The following ZYG11B variants were observed in gnomAD, a reference collection of about 807,000 sequenced individuals.
ZYG11B encodes the protein zyg-11 family member B, cell cycle regulator.
Under a neutral mutation model 82.4 loss-of-function variants are expected in ZYG11B, and 36 were observed. The observed-to-expected ratio is 0.44, with a 90% CI of 0.33 to 0.58. ZYG11B has a LOEUF of 0.58. Ranked by LOEUF, ZYG11B falls within the 20% of genes least tolerant of loss-of-function variation. The pLI, the probability that ZYG11B is intolerant of heterozygous loss-of-function variation, is 0.02. For missense variants in ZYG11B, 552 were observed against 895.6 expected, an observed-to-expected ratio of 0.62 and a Z score of 4.90; for synonymous variants, 303 against 312.8, an observed-to-expected ratio of 0.97 and a Z score of 0.33.
chr1:52,726,729 G>A, intron 1 of ZYG11B, 46 bp downstream of exon 1: 2 of 1,436,456 alleles, frequency 1.4e-6, no homozygotes, highest in Non-Finnish European at 1.8e-6. Context: ...CGCCACCCTA[G>A]CCCCCGCCCG....
intron 4 of ZYG11B, 97 bp downstream of exon 4, chr1:52,780,090 TTTA>T: frequency 8.3e-7 from 1 of 1,203,948 alleles, no homozygotes; most frequent in Non-Finnish European, 1.2e-6. Flanking sequence ...TTAGTCTTTT[TTTA>T]TTATTTATAA....
In ZYG11B at chr1:52,771,081, C is replaced by T; in HGVS notation, c.258C>T (p.Ala86=). 6.2e-7 allele frequency: 1 copy of T among 1,614,208 alleles called. No individual in the cohort carries two copies. The highest frequency in any genetic ancestry group is 8.5e-7 in the Non-Finnish European group (1 of 1,180,042). ...FRGNQMRLKR[A]CIRKAKISAV... ...GCAACCAGATGCGCTTAAAGCGAGC[C>T]TGCATTCGCAAAGCAAAGATCTCTG... is the stretch of plus-strand genomic sequence containing the variant. The change falls in exon 3 of 14, where the codon GCC becomes GCT. Residue 86 remains alanine, a synonymous_variant. Transcript: ENST00000294353. This position sits in a 1 kb window ranked among gnomAD's most constrained non-coding sequence, Gnocchi z 5.4.
intron 1 of ZYG11B, among the ~76,000 whole-genome samples, chr1:52,749,727 A>G (rs748124087): frequency 4.6e-5 from 7 of 151,588 alleles, no homozygotes; most frequent in Non-Finnish European, 7.4e-5. Context: ...TAATTTTTGT[A>G]TTTTTATTAG....
intron 3 of ZYG11B, chr1:52,772,678 G>GTT (rs942985584): frequency 7.1e-4 from 436 of 617,012 alleles, no homozygotes; most frequent in Non-Finnish European, 7.8e-4. Flanking sequence ...CGAAAGGCTT[G>GTT]TTTTTTTTTT....
chr1:52,733,179 A>G (rs1335233649), intron 1 of ZYG11B, among the ~76,000 whole-genome samples: 1 of 152,166 alleles, frequency 6.6e-6, no homozygotes, highest in African/African-American at 2.4e-5. Flanking sequence ...AAATTATCTT[A>G]AGTTACTGAG....
chr1:52,726,565 C>A lies in ZYG11B; in HGVS notation c.-89C>A. 7.8e-7 allele frequency: 1 copy of A among 1,285,950 alleles called. No homozygotes were observed. The highest frequency in any genetic ancestry group is 9.9e-7 in the Non-Finnish European group (1 of 1,007,480). The allele number at this position is 1,285,950 out of a possible 1,614,324, so 79.7% of individuals were successfully genotyped here. On this transcript the variant is annotated 5_prime_UTR_variant, in exon 1 of 14. Transcript: ENST00000294353. ...GCCTGGGCCAAGCCCGGAGCCGCCGCTCGCCGGAGCCTCCTGGAGCCTCCG... is the reference window on the plus strand; with the variant it reads ...GCCTGGGCCAAGCCCGGAGCCGCCGATCGCCGGAGCCTCCTGGAGCCTCCG...
intron 10 of ZYG11B, among the ~76,000 whole-genome samples, chr1:52,807,993 A>C (rs1330936323): frequency 6.6e-6 from 1 of 152,182 alleles, no homozygotes; most frequent in Non-Finnish European, 1.5e-5. Flanking sequence ...GCTTCTTTCT[A>C]ATGAAAAATC....
chr1:52,797,333 A>G (rs1440979839), intron 8 of ZYG11B, among the ~76,000 whole-genome samples: 5 of 77,558 alleles, frequency 6.4e-5, no homozygotes, highest in Non-Finnish European at 1.0e-4. Flanking sequence ...TATATATTAT[A>G]TATTTATAAT....
Position 52,794,153 on chromosome 1 carries a change from T to G in ZYG11B, c.1335-2139T>G, listed in dbSNP as rs558319824. On this transcript the variant is annotated intron_variant, in intron 6 of 13. Coordinates refer to ENST00000294353, the MANE Select transcript of ZYG11B (RefSeq NM_024646.3). The stretch of plus-strand genomic sequence containing the variant: ...CCACACCCAGCTAATTTTTTGTATT[T>G]TTAGTAGAGACGAGGTTTCACCATG... Among the ~76,000 whole-genome samples, 32 of 152,142 alleles carry G rather than the reference T, an allele frequency of 2.1e-4. No individual in the cohort carries two copies. In the South Asian group the frequency reaches 4.2e-3, roughly 20 times the overall value.
At chr1:52,751,489 G>T (rs1360318044) in intron 1 of ZYG11B, among the ~76,000 whole-genome samples, 1 of 152,010 alleles carries the variant, frequency 6.6e-6, no homozygotes, top group Non-Finnish European at 1.5e-5. Flanking sequence ...AATTAGCTGG[G>T]CGTGGTGGCA....
chr1:52,766,719 T>A (rs538377868), intron 2 of ZYG11B, among the ~76,000 whole-genome samples: 198 of 152,170 alleles, frequency 1.3e-3, no homozygotes, highest in Non-Finnish European at 2.0e-3. Flanking sequence ...TTTGTAAAAA[T>A]TTTTATAGGC....
intron 12 of ZYG11B, among the ~76,000 whole-genome samples, chr1:52,815,561 A>G (rs1476631917): frequency 6.6e-6 from 1 of 152,132 alleles, no homozygotes; most frequent in African/African-American, 2.4e-5. Flanking sequence ...TTGAGGCTGC[A>G]ATGAGTTGAG....
At chr1:52,814,584 G>A (rs1466534211) in intron 12 of ZYG11B, among the ~76,000 whole-genome samples, 1 of 152,138 alleles carries the variant, frequency 6.6e-6, no homozygotes, top group Non-Finnish European at 1.5e-5. Context: ...AGCCCAGTGG[G>A]GTAGCACATA....
intron 1 of ZYG11B, among the ~76,000 whole-genome samples, chr1:52,741,945 A>G (rs1644434574): frequency 6.6e-6 from 1 of 152,206 alleles, no homozygotes; most frequent in Non-Finnish European, 1.5e-5. Flanking sequence ...TCTTCATCAT[A>G]GTATTACATA....
At chr1:52,772,881 G>T (rs1644767587) in intron 3 of ZYG11B, among the ~76,000 whole-genome samples, 1 of 151,976 alleles carries the variant, frequency 6.6e-6, no homozygotes, top group South Asian at 2.1e-4. Context: ...GTTTCACTGT[G>T]TTAGCCAGGA....
At chr1:52,777,717 C>T (rs1395016863) in intron 3 of ZYG11B, among the ~76,000 whole-genome samples, 1 of 152,078 alleles carries the variant, frequency 6.6e-6, no homozygotes, top group Admixed American at 6.6e-5. Flanking sequence ...GCTGGGATTA[C>T]AGGCATGAGC....
rs1266838172 is a variant in ZYG11B at position 52,816,517 on chromosome 1, C to T, written c.1947-15C>T. 5 of 1,568,690 alleles carry T rather than the reference C, an allele frequency of 3.2e-6. No individual in the cohort carries two copies. Among genetic ancestry groups the T allele is most frequent in the Non-Finnish European group, 3.5e-6 (4 of 1,149,602 alleles). On this transcript the variant is annotated splice_polypyrimidine_tract_variant and intron_variant, in intron 12 of 13. Transcript: ENST00000294353. ...TATGGGATGTAACTTTGATTCTTTT[C>T]TTTTGAACCTTTAGGTCCTTTAATC...
rs1249917188 is a variant in ZYG11B, at chr1:52,824,073, G to T, written c.*2444G>T. On this transcript the variant is annotated 3_prime_UTR_variant, in exon 14 of 14. Transcript: ENST00000294353. Reference sequence around the variant, plus strand: ...AATCACTTGAACCCAGGAAGTGGAGGTTGCAGTGAGCTAAGATCGTGCCAC... The same window carrying T: ...AATCACTTGAACCCAGGAAGTGGAGTTTGCAGTGAGCTAAGATCGTGCCAC... 2 of 152,232 alleles carry T rather than the reference G, an allele frequency of 1.3e-5. No homozygotes were observed. Among genetic ancestry groups the T allele is most frequent in the Non-Finnish European group, 2.9e-5 (2 of 68,092 alleles). 9.4% of individuals were successfully genotyped at this position (152,232 alleles called of 1,614,324 possible).
intron 10 of ZYG11B, chr1:52,805,305 C>G (rs1645133105): frequency 2.9e-6 from 1 of 341,866 alleles, no homozygotes; most frequent in Non-Finnish European, 5.8e-6. Flanking sequence ...TTTCCACATG[C>G]AAGCAGTGAG....
Sources: gnomAD v4.1 joint callset for allele counts (sites outside exome capture counted in the v4.1 genomes callset) on GRCh38, gnomAD v4.1.1 for gene constraint, Gnocchi (gnomAD v3.1) non-coding constraint, MANE v1.5 for transcripts, NCBI Gene and HGNC (gene_info 2026-07-23, HGNC 2026-07-21) for gene names.